Variants in CCN6 observed in about 807,000 individuals in gnomAD.
CCN6 encodes the protein cellular communication network factor 6, also known as CCN family member 6.
In CCN6, 31 loss-of-function variants were observed where a neutral mutation model predicts 37.4. The ratio of observed to expected loss-of-function variants is 0.83; its 90% CI spans 0.62 to 1.12. CCN6 has a LOEUF of 1.12. CCN6 is among the 50% of genes most tolerant of loss of function. The pLI is 0.00. For synonymous variants in CCN6, 137 were observed against 142.1 expected (o/e 0.96, Z 0.26); for missense variants, 369 against 413.8 (o/e 0.89, Z 0.94).
chr6:112,069,264 ATAAAC>A (rs1315138853), intron 4 of CCN6, 70 bp from the exon 5 acceptor site: 26 of 1,511,716 alleles, frequency 1.7e-5, no homozygotes, highest in South Asian at 1.3e-4. Context: ...GATTTGTACT[ATAAAC>A]TATTCTACAT....
chr6:112,065,624 ACG>A (rs200606740), intron 3 of CCN6, among the ~76,000 whole-genome samples: 5 of 88,064 alleles, frequency 5.7e-5, no homozygotes, highest in East Asian at 3.6e-4. Context: ...ACACACACGC[ACG>A]CACACACACA....
At chr6:112,060,014 T>C (rs781987496) in intron 1 of CCN6, 2 of 1,365,302 alleles carry the variant, frequency 1.5e-6, no homozygotes, top group Admixed American at 3.8e-5. Context: ...GAGTGAGCCA[T>C]GAAGATATCT....
rs1776811878 is a variant in CCN6 at position 112,069,492 on chromosome 6, A to T, written c.937A>T (p.Ile313Phe). 2 of 1,613,652 alleles carry T rather than the reference A, an allele frequency of 1.2e-6. No individual in the cohort carries two copies. The highest frequency in any genetic ancestry group is 3.3e-5 in the Admixed American group (2 of 59,964). The change falls in exon 5 of 5, where the codon ATT (isoleucine) becomes TTT (phenylalanine). Residue 313 changes from isoleucine (I) to phenylalanine (F), a missense_variant. By Grantham distance (21) the Ile-to-Phe change is conservative (BLOSUM62 0). Coordinates refer to ENST00000368666, the MANE Select transcript of CCN6 (RefSeq NM_198239.2). Reference sequence around the variant, plus strand: ...CTGTATCCCTAATAAGTCTAAAATGATTACTATTCAATTTGATTGCCCAAA... The same window carrying T: ...CTGTATCCCTAATAAGTCTAAAATGTTTACTATTCAATTTGATTGCCCAAA... ...RCCIPNKSKM[I>F]TIQFDCPNEG... is the part of the protein sequence containing the mutation.
At chr6:112,059,998 G>GTT in intron 1 of CCN6, 1 of 1,363,890 alleles carries the variant, frequency 7.3e-7, no homozygotes, top group South Asian at 1.2e-5. Context: ...CCTAAAGAGA[G>GTT]TAAAAGAGTG....
intron 2 of CCN6, among the ~76,000 whole-genome samples, chr6:112,064,546 G>A (rs1305697124): frequency 6.6e-6 from 1 of 152,122 alleles, no homozygotes; most frequent in Non-Finnish European, 1.5e-5. Context: ...GTGACCATGT[G>A]GGGTTTATAG....
chr6:112,067,152 G>A, intron 3 of CCN6: 3 of 676,186 alleles, frequency 4.4e-6, no homozygotes, highest in Non-Finnish European at 6.1e-6. Context: ...ACTTTAAAGA[G>A]ACTATTTCCT....
At position 112,060,991 on chromosome 6, in the gene CCN6, T is replaced by A. The variant is rs782103540; in HGVS notation, c.49T>A (p.Phe17Ile). ...ACATCACCTTTATTATCAAATGAAG[T>A]TCTGCTGCAGGGTACAGGGCACTGG... is the stretch of plus-strand genomic sequence containing the variant. The part of the protein sequence containing the change: ...STLLLAGLAQ[F>I]CCRVQGTGPL... The change falls in exon 2 of 5, where the codon TTC becomes ATC. Residue 17 changes from phenylalanine to isoleucine, a missense_variant and splice_region_variant. Transcript: ENST00000368666. 6.2e-7 allele frequency: 1 copy of A among 1,614,052 alleles called. No individual in the cohort carries two copies. The highest frequency in any genetic ancestry group is 1.7e-5 in the Admixed American group (1 of 60,008).
chr6:112,060,882 A>T (rs1776493601), intron 1 of CCN6, 109 bp from the exon 2 acceptor site: 2 of 1,289,336 alleles, frequency 1.6e-6, no homozygotes, highest in Non-Finnish European at 1.1e-6. Flanking sequence ...TATTATAATG[A>T]TTGTAACTCA....
intron 1 of CCN6, among the ~76,000 whole-genome samples, chr6:112,060,785 A>G (rs1776490753): frequency 6.6e-6 from 1 of 152,130 alleles, no homozygotes; most frequent in Non-Finnish European, 1.5e-5. Flanking sequence ...TAAGAGTGGA[A>G]TAAGAGGAAT....
chr6:112,067,137 C>A, intron 3 of CCN6: 3 of 845,042 alleles, frequency 3.6e-6, no homozygotes, highest in Non-Finnish European at 4.9e-6. Flanking sequence ...TAAAATAGAG[C>A]ACATACTTTA....
chr6:112,069,432 C>T lies in CCN6; in HGVS notation c.877C>T (p.Pro293Ser). 6.2e-7 allele frequency: 1 copy of T among 1,613,672 alleles called. No individual in the cohort carries two copies. Among genetic ancestry groups the T allele is most frequent in the Non-Finnish European group, 8.5e-7 (1 of 1,179,862 alleles). ...ATGCTCAAGTACTCAGAGTTACAAA[C>T]CCACTTTTTGTGGAATATGCTTGGA... ...SGCSSTQSYK[P>S]TFCGICLDKR... Residue 293 changes from proline to serine, a missense_variant, in exon 5 of 5, where the codon CCC (proline) becomes TCC (serine). Transcript: ENST00000368666.
intron 1 of CCN6, chr6:112,060,067 G>A: frequency 1.5e-6 from 2 of 1,366,016 alleles, no homozygotes; most frequent in Non-Finnish European, 2.0e-6. Flanking sequence ...GGACGCTGGT[G>A]TGGCTGGTGT....
Position 112,060,191 on chromosome 6 carries a change from G to A in CCN6, c.49-800G>A, listed in dbSNP as rs1047879745. ...TTACATGGAAATGGGAGGCCATGAG[G>A]AAGTCACTCCATATGAGCAAAGAGT... On this transcript the variant is annotated intron_variant, in intron 1 of 4. Transcript: ENST00000368666. The A allele has an allele frequency of 8.6e-6, 11 of 1,281,086 alleles. No individual in the cohort carries two copies. In the East Asian group the frequency reaches 5.8e-4, roughly 68 times the overall value. The allele number at this position is 1,281,086 out of a possible 1,614,324, so 79.4% of individuals were successfully genotyped here.
At chr6:112,057,080 A>G (rs1695744125) in intron 1 of CCN6, among the ~76,000 whole-genome samples, 1 of 152,212 alleles carries the variant, frequency 6.6e-6, no homozygotes, top group Non-Finnish European at 1.5e-5. Context: ...AAAGTTAAAG[A>G]GGCATCCGGG....
Position 112,064,905 on chromosome 6 carries a change from C to A in CCN6, c.497C>A (p.Ser166Tyr). Residue 166 changes from serine to tyrosine, a missense_variant, in exon 3 of 5, where the codon TCT (serine) becomes TAT (tyrosine). Coordinates refer to ENST00000368666, the MANE Select transcript of CCN6 (RefSeq NM_198239.2). ...CCAAAGCTGGCTGGCAGTCACTGCT[C>A]TGGAGCTAAAGGTGGAAAGAAGTCT... is the stretch of plus-strand genomic sequence containing the variant. The part of the protein sequence containing the change: ...FIPKLAGSHC[S>Y]GAKGGKKSDQ... 1 of 1,614,058 alleles carries A rather than the reference C, an allele frequency of 6.2e-7. No homozygotes were observed. The highest frequency in any genetic ancestry group is 8.5e-7 in the Non-Finnish European group (1 of 1,179,956).
intron 1 of CCN6, among the ~76,000 whole-genome samples, chr6:112,057,349 A>T (rs1776377446): frequency 6.6e-6 from 1 of 152,250 alleles, no homozygotes; most frequent in Non-Finnish European, 1.5e-5. Context: ...AGATTCCTCC[A>T]GGAGCAACAT....
chr6:112,060,617 C>A (rs1173652301), intron 1 of CCN6, among the ~76,000 whole-genome samples: 7 of 152,006 alleles, frequency 4.6e-5, no homozygotes, highest in Admixed American at 4.6e-4. Context: ...CAGTTTGAGT[C>A]TGAGTTCAGA....
At chr6:112,061,333 C>G (rs781906000) in intron 2 of CCN6, 45 bp downstream of exon 2, 2 of 1,613,508 alleles carry the variant, frequency 1.2e-6, no homozygotes, top group Admixed American at 3.3e-5. Flanking sequence ...TGAGTCTAGA[C>G]AGAATTTTTT....
At chr6:112,069,205 TG>T (rs1205105964) in intron 4 of CCN6, 133 bp from the exon 5 acceptor site, 1 of 962,802 alleles carries the variant, frequency 1.0e-6, no homozygotes, top group African/African-American at 1.6e-5. Context: ...GTAAAGAGAG[TG>T]CTGGAAATCA....
Sources: allele counts gnomAD v4.1 joint callset (sites outside exome capture counted in the v4.1 genomes callset), GRCh38; gene constraint gnomAD v4.1.1; transcripts MANE v1.5; gene names NCBI Gene and HGNC (gene_info 2026-07-23, HGNC 2026-07-21).